SLC28A1: variants seen among roughly 807,000 people sequenced by gnomAD.
SLC28A1 encodes the protein sodium/nucleoside cotransporter 1.
SLC28A1 carries 64 observed loss-of-function variants against 74.8 expected under a neutral mutation model. The observed-to-expected ratio is 0.86, with a 90% CI of 0.70 to 1.05. The LOEUF (loss-of-function observed/expected upper bound fraction) is 1.05. Ranked by LOEUF, SLC28A1 falls within the 50% of genes least tolerant of loss-of-function variation. The pLI, the probability that SLC28A1 is intolerant of heterozygous loss-of-function variation, is 0.00. For missense variants in SLC28A1, 828 were observed against 822.8 expected (o/e 1.01, Z -0.08); for synonymous variants, 359 against 335.0 (o/e 1.07, Z -0.78).
rs557052793 is a variant in SLC28A1 at position 84,924,179 on chromosome 15, C to T, written c.1083+69C>T. On this transcript the variant is annotated intron_variant, in intron 12 of 18. Coordinates refer to ENST00000394573, the MANE Select transcript of SLC28A1 (RefSeq NM_004213.5). ...AGCCCATCTTTGTGGGAGCCCCACA[C>T]AGCTCCTGGCCAGAGCAGCCCTCAG... The T allele has an allele frequency of 1.7e-5, 26 of 1,527,540 alleles. No homozygotes were observed. The African/African-American group carries it at 2.9e-4, about 17-fold the overall frequency. The allele number at this position is 1,527,540 out of a possible 1,614,324, so 94.6% of individuals were successfully genotyped here.
chr15:84,973,585 C>G, the SLC28A1 span, among the ~76,000 whole-genome samples: 1 of 152,162 alleles, frequency 6.6e-6, no homozygotes, highest in Non-Finnish European at 1.5e-5. Context: ...ATGTCTTACT[C>G]AGTTCAGGGA....
chr15:84,906,906 T>C (rs977903251), intron 8 of SLC28A1, among the ~76,000 whole-genome samples: 2 of 152,210 alleles, frequency 1.3e-5, no homozygotes, highest in African/African-American at 4.8e-5. Flanking sequence ...AAGATCTTAA[T>C]TGGCTTTTAT....
the SLC28A1 span, among the ~76,000 whole-genome samples, chr15:84,973,287 T>C: frequency 3.3e-5 from 5 of 152,168 alleles, no homozygotes; most frequent in South Asian, 2.1e-4. Context: ...AGGCGGGATA[T>C]TTTTGGTTGC....
intron 5 of SLC28A1, 120 bp downstream of exon 5, chr15:84,890,654 A>G: frequency 1.2e-6 from 1 of 831,168 alleles, no homozygotes. Context: ...GCACCAACTC[A>G]GGTCCAGCTC....
chr15:84,936,418 C>T (rs1971946725), intron 15 of SLC28A1, among the ~76,000 whole-genome samples: 1 of 152,000 alleles, frequency 6.6e-6, no homozygotes, highest in Non-Finnish European at 1.5e-5. Flanking sequence ...CCACCACGCT[C>T]AGCTAATTTT....
At chr15:84,938,323 T>G (rs1972199345) in intron 15 of SLC28A1, 5 of 152,110 alleles carry the variant, frequency 3.3e-5, no homozygotes, top group Admixed American at 2.6e-4. Flanking sequence ...TCCTGTTCTT[T>G]TTTTTTCTTA....
intron 15 of SLC28A1, among the ~76,000 whole-genome samples, chr15:84,942,205 C>G (rs1972796887): frequency 6.6e-6 from 1 of 152,098 alleles, no homozygotes; most frequent in Non-Finnish European, 1.5e-5. Context: ...TGCTTTGATA[C>G]TGGCATGCAA....
At chr15:84,885,179 G>A (rs1330964296) in intron 1 of SLC28A1, among the ~76,000 whole-genome samples, 2 of 151,086 alleles carry the variant, frequency 1.3e-5, no homozygotes, top group Non-Finnish European at 2.9e-5. Flanking sequence ...GGCTGGTCTC[G>A]AACTCCTGGC....
chr15:84,931,854 T>C lies in SLC28A1; in HGVS notation c.1084-1291T>C, dbSNP rs556891020. ...CCATCTCTACTAAAAATACAAAAATTAGCCGGGCGTGGTGGTGCACACCTG... is the reference window on the plus strand; with the variant it reads ...CCATCTCTACTAAAAATACAAAAATCAGCCGGGCGTGGTGGTGCACACCTG... On this transcript the variant is annotated intron_variant, in intron 12 of 18. Coordinates refer to ENST00000394573, the MANE Select transcript of SLC28A1 (RefSeq NM_004213.5). 4.6e-5 allele frequency among the ~76,000 whole-genome samples: 7 copies of C among 151,482 alleles called. No homozygotes were observed. In the East Asian group the frequency reaches 1.4e-3, roughly 30 times the overall value.
chr15:84,958,126 T>C, the SLC28A1 span, among the ~76,000 whole-genome samples: 1 of 152,228 alleles, frequency 6.6e-6, no homozygotes. Context: ...TGTAGAAATA[T>C]ACTTGATTTT....
chr15:84,902,413 G>A (rs766241505), intron 6 of SLC28A1, among the ~76,000 whole-genome samples: 4 of 151,848 alleles, frequency 2.6e-5, no homozygotes, highest in African/African-American at 4.8e-5. Context: ...CCCGGAGGTG[G>A]AGGTTGCAGT....
At chr15:84,908,995 C>T (rs147459574) in intron 9 of SLC28A1, among the ~76,000 whole-genome samples, 200 bp downstream of exon 9, 361 of 151,288 alleles carry the variant, frequency 2.4e-3, no homozygotes, top group African/African-American at 7.9e-3. Flanking sequence ...GATGTTTTTG[C>T]TATATTTTGT....
chr15:84,968,029 G>A, the SLC28A1 span, among the ~76,000 whole-genome samples: 1 of 152,184 alleles, frequency 6.6e-6, no homozygotes, highest in Non-Finnish European at 1.5e-5. Flanking sequence ...CCCTGTACTT[G>A]AGGAATCACT....
intron 4 of SLC28A1, among the ~76,000 whole-genome samples, chr15:84,889,861 C>CTT (rs796710074): frequency 3.7e-5 from 5 of 136,200 alleles, no homozygotes; most frequent in Non-Finnish European, 6.4e-5. Flanking sequence ...TCCTTTCTCT[C>CTT]TTTTTTTTTT....
intron 5 of SLC28A1, among the ~76,000 whole-genome samples, chr15:84,894,295 C>T (rs1965694854): frequency 6.6e-6 from 1 of 150,970 alleles, no homozygotes; most frequent in Non-Finnish European, 1.5e-5. Flanking sequence ...TTGCTTGGAC[C>T]CAGGAGGCAG....
At chr15:84,898,894 C>A (rs1966303224) in intron 6 of SLC28A1, among the ~76,000 whole-genome samples, 1 of 152,146 alleles carries the variant, frequency 6.6e-6, no homozygotes, top group Non-Finnish European at 1.5e-5. Context: ...TCCAGGGAAG[C>A]CATGGCAGGC....
intron 2 of SLC28A1, chr15:84,887,301 C>A (rs989417032): frequency 3.1e-6 from 3 of 964,566 alleles, no homozygotes; most frequent in Non-Finnish European, 3.7e-6. Flanking sequence ...GTATATAATT[C>A]TTTACTTTCC....
In SLC28A1 at chr15:84,887,782, C is replaced by G; in HGVS notation, c.22C>G (p.Arg8Gly). 3 of 1,614,022 alleles carry G rather than the reference C, an allele frequency of 1.9e-6. No homozygotes were observed. Among genetic ancestry groups the G allele is most frequent in the Non-Finnish European group, 2.5e-6 (3 of 1,179,878 alleles). MENDPSRRRESISLTPVA... is the reference protein window; with the variant it reads MENDPSRGRESISLTPVA... ...GGACATGGAGAACGACCCCTCGAGA[C>G]GAAGAGAGTCCATCTCTCTCACACC... The change falls in exon 3 of 19, where the codon CGA (arginine) becomes GGA (glycine). Residue 8 changes from arginine (R) to glycine (G), a missense_variant. Transcript: ENST00000394573.
intron 9 of SLC28A1, among the ~76,000 whole-genome samples, chr15:84,918,301 A>G (rs1358594240): frequency 6.6e-6 from 1 of 152,074 alleles, no homozygotes; most frequent in African/African-American, 2.4e-5. Flanking sequence ...GCTGGTCACT[A>G]TTTAGAGGGG....
Sources: gnomAD v4.1 joint callset for allele counts (sites outside exome capture counted in the v4.1 genomes callset) on GRCh38, gnomAD v4.1.1 for gene constraint, MANE v1.5 for transcripts, NCBI Gene and HGNC (gene_info 2026-07-23, HGNC 2026-07-21) for gene names.